The following CEP164 variants were observed in gnomAD, a reference collection of about 807,000 sequenced individuals.
CEP164 encodes the protein centrosomal protein 164.
In CEP164, 162 loss-of-function variants were observed where a neutral mutation model predicts 182.7. The ratio of observed to expected loss-of-function variants is 0.89; its 90% CI spans 0.78 to 1.01. CEP164 has a LOEUF of 1.01. Among genes scored for constraint, CEP164 ranks in the 50% least tolerant of loss-of-function variants. The pLI is 0.00. For synonymous variants in CEP164, 661 were observed against 690.0 expected (o/e 0.96, Z 0.66); for missense variants, 1,735 against 1,790.4 (o/e 0.97, Z 0.56).
intron 9 of CEP164, 56 bp downstream of exon 9, chr11:117,371,522 C>G: frequency 6.5e-7 from 1 of 1,530,752 alleles, no homozygotes; most frequent in Non-Finnish European, 8.7e-7. Flanking sequence ...CTGCTCTGTT[C>G]AGCCCTGGGC....
intron 20 of CEP164, among the ~76,000 whole-genome samples, chr11:117,393,474 T>C (rs576974556): frequency 1.6e-4 from 24 of 152,226 alleles, no homozygotes; most frequent in Non-Finnish European, 2.8e-4. Context: ...AGAACTGTTC[T>C]GAGCTCTTTA....
intron 4 of CEP164, 85 bp downstream of exon 4, chr11:117,344,362 G>A (rs2038580998): frequency 5.8e-6 from 5 of 855,858 alleles, no homozygotes; most frequent in African/African-American, 1.7e-5. Flanking sequence ...GAACTGGCCA[G>A]CTTTTCCAAG....
In CEP164 at chr11:117,354,838, G is replaced by A. The variant is rs1045129021; in HGVS notation, c.393+2850G>A. The A allele has an allele frequency of 1.1e-5, 10 of 915,382 alleles. No individual in the cohort carries two copies. The African/African-American group carries it at 1.7e-4, about 16-fold the overall frequency. 56.7% of individuals were successfully genotyped at this position (915,382 alleles called of 1,614,324 possible). A position where few individuals can be genotyped will look rare whatever the true frequency, so the allele number is the denominator to read the frequency against. On this transcript the variant is annotated intron_variant, in intron 5 of 32. Coordinates refer to ENST00000278935, the MANE Select transcript of CEP164 (RefSeq NM_014956.5). ...GTTTTAGGGTTTAAATAGAGGGTGGGTTTTTGCTGAGGGCTTGCCCAGGGC... is the reference window on the plus strand; with the variant it reads ...GTTTTAGGGTTTAAATAGAGGGTGGATTTTTGCTGAGGGCTTGCCCAGGGC...
chr11:117,341,765 C>T (rs138933461), intron 3 of CEP164, among the ~76,000 whole-genome samples: 46 of 152,206 alleles, frequency 3.0e-4, no homozygotes, highest in Non-Finnish European at 6.2e-4. Context: ...TTCTGACAGT[C>T]CCCAGAGCTA....
In CEP164 at chr11:117,394,338, CCCTCCTT is replaced by C; in HGVS notation, c.2617-11_2617-5del. ...CCGCAGCTTCCCACCGGTGGGCCCA[CCCTCCTT>C]GCAGGAGAGGAAGCAGCGGGCTGAG... On this transcript the variant is annotated splice_region_variant and splice_polypyrimidine_tract_variant and intron_variant, in intron 20 of 32. Coordinates refer to ENST00000278935, the MANE Select transcript of CEP164 (RefSeq NM_014956.5). The surrounding 1 kb of genome is among the most constrained non-coding windows in gnomAD (Gnocchi z 4.0). The C allele has an allele frequency of 6.3e-7, 1 of 1,586,728 alleles. No homozygotes were observed. Among genetic ancestry groups the C allele is most frequent in the South Asian group, 1.1e-5 (1 of 87,368 alleles).
rs1160408735 is a variant in CEP164, at chr11:117,351,853, TCCA to T, written c.259_261del (p.Pro87del). ...CCAACGGGCAGTCTATGTGGGACCA[TCCA>T]TGTGACGAACACTATCGGAGCTTGG... On this transcript the variant is annotated inframe_deletion, in exon 5 of 33. Transcript: ENST00000278935. 2 of 1,613,296 alleles carry T rather than the reference TCCA, an allele frequency of 1.2e-6. No homozygotes were observed. The highest frequency in any genetic ancestry group is 3.3e-5 in the Admixed American group (2 of 59,892).
At position 117,397,238 on chromosome 11, in the gene CEP164, G is replaced by A. The variant is rs1399818157; in HGVS notation, c.3426G>A (p.Leu1142=). 1.9e-6 allele frequency: 3 copies of A among 1,614,128 alleles called. No individual in the cohort carries two copies. In the African/African-American group the frequency reaches 4.0e-5, roughly 22 times the overall value. Reference sequence around the variant, plus strand: ...CCCAGCAGCATTGGCGCCATGAGCTGGCCAGTGCGCAGGAGGTGGCCAAAG... The same window carrying A: ...CCCAGCAGCATTGGCGCCATGAGCTAGCCAGTGCGCAGGAGGTGGCCAAAG... ...KAAQQHWRHE[L]ASAQEVAKDP... is the part of the protein sequence containing the mutation. Residue 1142 remains leucine (L), a synonymous_variant, in exon 27 of 33, where the codon CTG becomes CTA. Coordinates refer to ENST00000278935, the MANE Select transcript of CEP164 (RefSeq NM_014956.5).
chr11:117,390,672 C>A, intron 15 of CEP164, 105 bp from the exon 16 acceptor site: 26 of 1,303,726 alleles, frequency 2.0e-5, no homozygotes, highest in Admixed American at 2.3e-5. Flanking sequence ...TAGGAAGTTT[C>A]TTAGGCAGGC....
intron 27 of CEP164, among the ~76,000 whole-genome samples, chr11:117,404,801 T>C (rs2046496109): frequency 6.6e-6 from 1 of 152,194 alleles, no homozygotes; most frequent in Non-Finnish European, 1.5e-5. Flanking sequence ...GTGAGTTTTA[T>C]CTATAAACCC....
chr11:117,321,889 G>C (rs957227490), intron 1 of CEP164, among the ~76,000 whole-genome samples: 11 of 151,560 alleles, frequency 7.3e-5, no homozygotes, highest in Non-Finnish European at 1.5e-4. Flanking sequence ...TAAGAGATTG[G>C]GTCTCACTAT....
In CEP164 at chr11:117,371,465, A is replaced by G. The variant is rs1321810359; in HGVS notation, c.1151A>G (p.Gln384Arg). ...ALEEGSSDAS[Q>R]ELEISEHMKE... ...GAAGAGGGCAGTTCAGACGCCAGCC[A>G]AGTAAGTCACTGTATCCCATAGGCA... Residue 384 changes from glutamine (Q) to arginine (R), a missense_variant and splice_region_variant, in exon 9 of 33, where the codon CAA becomes CGA. Physicochemically the swap from Gln to Arg is conservative, Grantham distance 43. Coordinates refer to ENST00000278935, the MANE Select transcript of CEP164 (RefSeq NM_014956.5). 4 of 1,606,244 alleles carry G rather than the reference A, an allele frequency of 2.5e-6. No homozygotes were observed. Among genetic ancestry groups the G allele is most frequent in the South Asian group, 2.2e-5 (2 of 90,068 alleles).
At chr11:117,373,084 A>G (rs2042381035) in intron 9 of CEP164, among the ~76,000 whole-genome samples, 1 of 151,996 alleles carries the variant, frequency 6.6e-6, no homozygotes, top group South Asian at 2.1e-4. Flanking sequence ...AAGAGCTTTT[A>G]TCGGCCGGGC....
chr11:117,392,151 A>G (rs112206105), intron 17 of CEP164, 75 bp from the exon 18 acceptor site: 31,955 of 1,338,422 alleles, frequency 0.024, 532 homozygotes, highest in Middle Eastern at 0.093. Context: ...GGGGGTCGGT[A>G]GTCTTCCTGG....
chr11:117,388,966 T>A (rs2136280537), intron 15 of CEP164, among the ~76,000 whole-genome samples: 1 of 151,958 alleles, frequency 6.6e-6, no homozygotes, highest in East Asian at 1.9e-4. Flanking sequence ...GAGACGGGGT[T>A]TCACTGGGTT....
Position 117,407,954 on chromosome 11 carries a change from G to T in CEP164, c.3531G>T (p.Ser1177=). The change falls in exon 28 of 33, where the codon TCG becomes TCT. Residue 1177 remains serine (S), a synonymous_variant. Coordinates refer to ENST00000278935, the MANE Select transcript of CEP164 (RefSeq NM_014956.5). ...KETRHLDEMK[S]AMRKGHNLLK... ...CCAGGCACCTGGATGAGATGAAGTCGGCCATGCGGAAAGGCCACAACCTGC... is the reference window on the plus strand; with the variant it reads ...CCAGGCACCTGGATGAGATGAAGTCTGCCATGCGGAAAGGCCACAACCTGC... 1.2e-6 allele frequency: 2 copies of T among 1,600,054 alleles called. No individual in the cohort carries two copies. Among genetic ancestry groups the T allele is most frequent in the South Asian group, 2.3e-5 (2 of 87,908 alleles).
chr11:117,410,131 T>TCG (rs2047179942), intron 30 of CEP164, 166 bp downstream of exon 30: 1 of 756,038 alleles, frequency 1.3e-6, no homozygotes, highest in Non-Finnish European at 2.3e-6. Context: ...GTCCATTGAC[T>TCG]CTACCTGTGG....
At chr11:117,410,349 T>C (rs905239897) in intron 30 of CEP164, 15 of 320,430 alleles carry the variant, frequency 4.7e-5, no homozygotes, top group Non-Finnish European at 8.1e-5. Context: ...TTTTTTCATT[T>C]AGTTCTTAAT....
At chr11:117,344,389 A>G (rs142933778) in intron 4 of CEP164, 112 bp downstream of exon 4, 18 of 700,684 alleles carry the variant, frequency 2.6e-5, no homozygotes, top group Non-Finnish European at 4.0e-5. Context: ...CTGTACAGTC[A>G]GGGACAGTAC....
chr11:117,412,011 C>G (rs2047411189), intron 32 of CEP164, 61 bp from the exon 33 acceptor site: 2 of 1,611,144 alleles, frequency 1.2e-6, no homozygotes, highest in Admixed American at 3.3e-5. Context: ...GCCTTTGACC[C>G]TTTCATGGCC....
Sources: gnomAD v4.1 joint callset for allele counts (sites outside exome capture counted in the v4.1 genomes callset) on GRCh38, gnomAD v4.1.1 for gene constraint, Gnocchi (gnomAD v3.1) non-coding constraint, MANE v1.5 for transcripts, NCBI Gene and HGNC (gene_info 2026-07-23, HGNC 2026-07-21) for gene names.